The following TMEM109 variants were observed in gnomAD, a reference collection of about 807,000 sequenced individuals.
TMEM109 encodes transmembrane protein 109.
A neutral mutation model predicts 26.4 loss-of-function variants in TMEM109; 19 were observed. That is an observed-to-expected ratio of 0.72 (90% confidence interval 0.50 to 1.06). The LOEUF (loss-of-function observed/expected upper bound fraction) is 1.06, where lower values mean the gene tolerates loss of function less well. Among genes scored for constraint, TMEM109 ranks in the 50% least tolerant of loss-of-function variants. The probability of loss-of-function intolerance (pLI) is 0.00; values close to 1 mark genes in which losing one functional copy is unlikely to be tolerated. For synonymous variants in TMEM109, 129 were observed against 142.0 expected (o/e 0.91, Z 0.65); for missense variants, 262 against 303.4 (o/e 0.86, Z 1.01).
intron 2 of TMEM109, 72 bp downstream of exon 2, chr11:60,920,002 C>A (rs1266162736): frequency 1.5e-6 from 2 of 1,303,960 alleles, no homozygotes; most frequent in East Asian, 2.3e-5. Context: ...GTAATGGCCA[C>A]CTCATCTTAG....
chr11:60,914,761 G>C (rs1226089072), intron 1 of TMEM109, among the ~76,000 whole-genome samples: 1 of 152,286 alleles, frequency 6.6e-6, no homozygotes, highest in Non-Finnish European at 1.5e-5. Flanking sequence ...CCCGGTTAGG[G>C]CGCGGAGCGG....
chr11:60,919,827 A>G lies in TMEM109; in HGVS notation c.134A>G (p.Gln45Arg). 1.2e-6 allele frequency: 2 copies of G among 1,614,212 alleles called. No homozygotes were observed. Reference sequence around the variant, plus strand: ...CGAGACTTTGCACCACCAGGCCAACAGAAGAGAGAAGCCCCAGTTGATGTC... The same window carrying G: ...CGAGACTTTGCACCACCAGGCCAACGGAAGAGAGAAGCCCCAGTTGATGTC... ...SRRDFAPPGQ[Q>R]KREAPVDVLT... The change falls in exon 2 of 4, where the codon CAG (glutamine) becomes CGG (arginine). Residue 45 changes from glutamine to arginine, a missense_variant. Physicochemically the swap from Gln to Arg is conservative, Grantham distance 43. Coordinates refer to ENST00000227525, the MANE Select transcript of TMEM109 (RefSeq NM_024092.3).
Position 60,922,174 on chromosome 11 carries a change from C to G in TMEM109, c.*9C>G. 1 of 1,569,314 alleles carries G rather than the reference C, an allele frequency of 6.4e-7. No individual in the cohort carries two copies. Among genetic ancestry groups the G allele is most frequent in the Non-Finnish European group, 8.6e-7 (1 of 1,157,014 alleles). On this transcript the variant is annotated 3_prime_UTR_variant, in exon 4 of 4. Transcript: ENST00000227525. ...GTGTGGAGGAGGAGTGAGCCGGATG[C>G]CCCACACACCGCCAGTGTCATACCA... is the stretch of plus-strand genomic sequence containing the variant.
intron 3 of TMEM109, 58 bp from the exon 4 acceptor site, chr11:60,921,716 C>T (rs952330236): frequency 6.2e-5 from 87 of 1,405,430 alleles, no homozygotes; most frequent in Non-Finnish European, 7.9e-5. Context: ...GCTCTTGCCC[C>T]GCTCTCCCCT....
At chr11:60,914,372 G>C (rs956044982) in intron 1 of TMEM109, 104 bp downstream of exon 1, 1 of 152,292 alleles carries the variant, frequency 6.6e-6, no homozygotes, top group African/African-American at 2.4e-5. Context: ...GAGAGTCCGA[G>C]TGGGGAGGGG....
rs372454248 is a variant in TMEM109, at chr11:60,922,113, G to A, written c.680G>A (p.Arg227His). 134 of 1,612,022 alleles carry A rather than the reference G, an allele frequency of 8.3e-5. No homozygotes were observed. Among genetic ancestry groups the A allele is most frequent in the Non-Finnish European group, 1.1e-4 (129 of 1,179,450 alleles). ...CTGGAACGCCAGGTGGAGGAGCTGC[G>A]CTGGCGCCAGAGGCGAGCGGCCAAG... The part of the protein sequence containing the change: ...RGLERQVEEL[R>H]WRQRRAAKGA... The change falls in exon 4 of 4, where the codon CGC becomes CAC. Residue 227 changes from arginine (R) to histidine (H), a missense_variant. Physicochemically the swap from Arg to His is conservative, Grantham distance 29. Coordinates refer to ENST00000227525, the MANE Select transcript of TMEM109 (RefSeq NM_024092.3).
chr11:60,915,216 TGTTTA>T (rs1856160456), intron 1 of TMEM109, among the ~76,000 whole-genome samples: 1 of 152,214 alleles, frequency 6.6e-6, no homozygotes. Flanking sequence ...TTTCTATAGA[TGTTTA>T]GTTTACAAAG....
In TMEM109 at chr11:60,919,770, T is replaced by A; in HGVS notation, c.77T>A (p.Ile26Asn). ...KAILMVLVAL[I>N]LLHSALAQSR... The stretch of plus-strand genomic sequence containing the variant: ...ATTCTGATGGTCCTAGTGGCCCTTA[T>A]CCTCCTCCACTCAGCATTGGCCCAG... The change falls in exon 2 of 4, where the codon ATC becomes AAC. Residue 26 changes from isoleucine to asparagine, a missense_variant. Ile to Asn is a moderately radical substitution (Grantham distance 149). Coordinates refer to ENST00000227525, the MANE Select transcript of TMEM109 (RefSeq NM_024092.3). The A allele has an allele frequency of 6.2e-7, 1 of 1,614,116 alleles. No homozygotes were observed. The highest frequency in any genetic ancestry group is 8.5e-7 in the Non-Finnish European group (1 of 1,180,014).
At chr11:60,917,986 T>C (rs1403405430) in intron 1 of TMEM109, among the ~76,000 whole-genome samples, 1 of 152,220 alleles carries the variant, frequency 6.6e-6, no homozygotes, top group East Asian at 1.9e-4. Context: ...AAATCACTTC[T>C]GAGACTTAGT....
rs1330501162 is a variant in TMEM109 at position 60,922,272 on chromosome 11, C to G, written c.*107C>G. ...GCCCTTTTCTTGCCCTGTCTCTGAA[C>G]CTTCAGAACATTGATCCTTGCCGCA... On this transcript the variant is annotated 3_prime_UTR_variant, in exon 4 of 4. Coordinates refer to ENST00000227525, the MANE Select transcript of TMEM109 (RefSeq NM_024092.3). 6.5e-7 allele frequency: 1 copy of G among 1,545,264 alleles called. No homozygotes were observed. Among genetic ancestry groups the G allele is most frequent in the Non-Finnish European group, 8.7e-7 (1 of 1,146,822 alleles).
rs1856243778 is a variant in TMEM109, at chr11:60,921,844, G to A, written c.411G>A (p.Gly137=). The A allele has an allele frequency of 6.2e-7, 1 of 1,614,172 alleles. No individual in the cohort carries two copies. Among genetic ancestry groups the A allele is most frequent in the South Asian group, 1.1e-5 (1 of 91,088 alleles). Residue 137 remains glycine, a synonymous_variant, in exon 4 of 4, where the codon GGG becomes GGA. Transcript: ENST00000227525. Reference sequence around the variant, plus strand: ...AGACCTTCCTGCTGTGGGGAGCAGGGGCCCTGGTCGTCTACTGGCTGCTGT... The same window carrying A: ...AGACCTTCCTGCTGTGGGGAGCAGGAGCCCTGGTCGTCTACTGGCTGCTGT... ...QVQTFLLWGA[G]ALVVYWLLSL...
intron 3 of TMEM109, 23 bp from the exon 4 acceptor site, chr11:60,921,749 ACT>A (rs1856241843): frequency 6.3e-7 from 1 of 1,588,046 alleles, no homozygotes; most frequent in Non-Finnish European, 8.6e-7. Flanking sequence ...AGGTTGGCTG[ACT>A]CTGTGACTCT....
intron 1 of TMEM109, among the ~76,000 whole-genome samples, chr11:60,915,187 T>C (rs558130740): frequency 6.4e-4 from 97 of 152,352 alleles, no homozygotes; most frequent in African/African-American, 2.3e-3. Flanking sequence ...TAGTCAGTGG[T>C]AATGTGTGTG....
At chr11:60,917,437 A>T (rs1363159313) in intron 1 of TMEM109, among the ~76,000 whole-genome samples, 2 of 152,198 alleles carry the variant, frequency 1.3e-5, no homozygotes, top group South Asian at 4.1e-4. Context: ...GCGCTGTCTG[A>T]CATTTCTCAA....
chr11:60,921,796 G>A lies in TMEM109; in HGVS notation c.363G>A (p.Leu121=). The part of the protein sequence containing the change: ...GLAGDYLAQG[L]KLSPGQVQTF... ...CAGGTGATTACCTCGCCCAGGGCCT[G>A]AAGCTCAGCCCTGGCCAGGTCCAGA... Residue 121 remains leucine (L), a synonymous_variant, in exon 4 of 4, where the codon CTG becomes CTA. Transcript: ENST00000227525. The A allele has an allele frequency of 1.2e-6, 2 of 1,612,686 alleles. No individual in the cohort carries two copies. The highest frequency in any genetic ancestry group is 8.5e-7 in the Non-Finnish European group (1 of 1,179,824).
rs1490868945 is a variant in TMEM109 at position 60,922,276 on chromosome 11, C to T, written c.*111C>T. On this transcript the variant is annotated 3_prime_UTR_variant, in exon 4 of 4. Transcript: ENST00000227525. ...TTTTCTTGCCCTGTCTCTGAACCTT[C>T]AGAACATTGATCCTTGCCGCAGCCC... is the stretch of plus-strand genomic sequence containing the variant. 2 of 1,544,754 alleles carry T rather than the reference C, an allele frequency of 1.3e-6. No individual in the cohort carries two copies. Among genetic ancestry groups the T allele is most frequent in the Non-Finnish European group, 1.7e-6 (2 of 1,146,806 alleles).
chr11:60,921,601 C>T (rs1425771910), intron 3 of TMEM109, among the ~76,000 whole-genome samples, 173 bp from the exon 4 acceptor site: 2 of 152,224 alleles, frequency 1.3e-5, no homozygotes, highest in South Asian at 2.1e-4. Flanking sequence ...TACTCCAGGC[C>T]TCACAGCCAG....
At chr11:60,919,189 T>C (rs1856204773) in intron 1 of TMEM109, 1 of 171,530 alleles carries the variant, frequency 5.8e-6, no homozygotes, top group Non-Finnish European at 1.3e-5. Context: ...GTTATTCTTG[T>C]TTGAGCACAT....
chr11:60,920,257 G>A (rs762813708), intron 2 of TMEM109, among the ~76,000 whole-genome samples: 1 of 152,166 alleles, frequency 6.6e-6, no homozygotes, highest in African/African-American at 2.4e-5. Context: ...TCTCGAAATG[G>A]CAAAATATCA....
Sources: gnomAD v4.1 joint callset for allele counts (sites outside exome capture counted in the v4.1 genomes callset) on GRCh38, gnomAD v4.1.1 for gene constraint, MANE v1.5 for transcripts, NCBI Gene and HGNC (gene_info 2026-07-23, HGNC 2026-07-21) for gene names.